NBDY: variants seen among roughly 807,000 people sequenced by gnomAD.
NBDY encodes P-body dissociating protein.
chrX:56,809,039 G>T (rs1275474035), intron 2 of NBDY, among the ~76,000 whole-genome samples: 1 of 112,393 alleles, frequency 8.9e-6, no homozygotes, highest in Admixed American at 9.4e-5. Flanking sequence ...TCAGATGCAG[G>T]CTGTTCAGTT....
intron 2 of NBDY, among the ~76,000 whole-genome samples, chrX:56,741,762 T>C (rs1474909752): frequency 8.9e-6 from 1 of 111,839 alleles, no homozygotes; most frequent in Non-Finnish European, 1.9e-5. Context: ...AAAAGTGTAG[T>C]TTGCAAATAT....
chrX:56,783,451 C>T (rs1008731194), intron 2 of NBDY, among the ~76,000 whole-genome samples: 1 of 112,752 alleles, frequency 8.9e-6, no homozygotes, highest in Admixed American at 9.3e-5. Context: ...TGGCCAGTGG[C>T]TTCCCTTATG....
At chrX:56,784,949 T>C (rs2069718516) in intron 2 of NBDY, among the ~76,000 whole-genome samples, 1 of 112,413 alleles carries the variant, frequency 8.9e-6, no homozygotes, top group Non-Finnish European at 1.9e-5. Flanking sequence ...CACACAGCTC[T>C]TCAAATATTG....
At chrX:56,741,197 C>T (rs1462614359) in intron 2 of NBDY, among the ~76,000 whole-genome samples, 1 of 111,665 alleles carries the variant, frequency 9.0e-6, no homozygotes, top group East Asian at 2.8e-4. Flanking sequence ...CTGATTAGTA[C>T]TCCACTATGT....
chrX:56,761,702 G>A (rs1190382303), intron 2 of NBDY, among the ~76,000 whole-genome samples: 1 of 113,080 alleles, frequency 8.8e-6, no homozygotes, highest in Non-Finnish European at 1.9e-5. Context: ...CGCCTGGAAG[G>A]CAGGGTCCGG....
At chrX:56,759,797 G>C (rs1032350852) in intron 2 of NBDY, among the ~76,000 whole-genome samples, 11 of 111,880 alleles carry the variant, frequency 9.8e-5, no homozygotes, top group South Asian at 7.5e-4. Context: ...CTGAAAGAAA[G>C]GGCAGGCAGG....
intron 2 of NBDY, among the ~76,000 whole-genome samples, chrX:56,801,792 C>T (rs761471328): frequency 2.7e-5 from 3 of 111,030 alleles, no homozygotes; most frequent in South Asian, 3.9e-4. Context: ...GTCTCTCCCA[C>T]GTGCCCATTT....
Position 56,760,661 on chromosome X carries a change from G to A in NBDY, c.*166+28462G>A, listed in dbSNP as rs192561250. ...ATTGCACCATTGCACTCCAGCCTGG[G>A]CAATAAGAGTGAAACTCTGTCTCAA... On this transcript the variant is annotated intron_variant, in intron 2 of 2. Transcript: ENST00000374922. Among the ~76,000 whole-genome samples the A allele has an allele frequency of 2.8e-3, 316 of 111,858 alleles. 3 individuals are homozygous for A. Among genetic ancestry groups the A allele is most frequent in the Non-Finnish European group, 5.3e-3 (284 of 53,148 alleles).
intron 2 of NBDY, among the ~76,000 whole-genome samples, chrX:56,782,308 C>T (rs1970228879): frequency 9.1e-6 from 1 of 110,390 alleles, no homozygotes; most frequent in South Asian, 3.9e-4. Flanking sequence ...TCTTCTCCTC[C>T]TCCTCCTCCT....
At chrX:56,743,880 T>C (rs953236966) in intron 2 of NBDY, among the ~76,000 whole-genome samples, 1 of 111,204 alleles carries the variant, frequency 9.0e-6, no homozygotes, top group Non-Finnish European at 1.9e-5. Context: ...TATTGGTTTC[T>C]TTATTTTAAG....
At chrX:56,782,855 C>A (rs1484846048) in intron 2 of NBDY, among the ~76,000 whole-genome samples, 2 of 111,835 alleles carry the variant, frequency 1.8e-5, no homozygotes, top group Non-Finnish European at 3.8e-5. Flanking sequence ...ACAATACATA[C>A]ACTCACAAGG....
intron 2 of NBDY, among the ~76,000 whole-genome samples, chrX:56,734,104 T>G (rs947588547): frequency 8.9e-6 from 1 of 112,445 alleles, no homozygotes; most frequent in Non-Finnish European, 1.9e-5. Context: ...GATTCTAGAA[T>G]TTAAAAACAG....
chrX:56,739,269 T>C (rs2069518321), intron 2 of NBDY, among the ~76,000 whole-genome samples: 1 of 74,847 alleles, frequency 1.3e-5, no homozygotes, highest in Non-Finnish European at 2.4e-5. Context: ...TATATGTATG[T>C]ATATATATAT....
At chrX:56,761,613 T>C (rs1243451075) in intron 2 of NBDY, among the ~76,000 whole-genome samples, 1 of 113,451 alleles carries the variant, frequency 8.8e-6, no homozygotes, top group Non-Finnish European at 1.9e-5. Context: ...AGTATACTTT[T>C]GGAGTTTTTC....
chrX:56,749,910 C>G (rs1336952135), intron 2 of NBDY, among the ~76,000 whole-genome samples: 4 of 111,483 alleles, frequency 3.6e-5, no homozygotes, highest in Non-Finnish European at 7.5e-5. Flanking sequence ...TTCAGCCTCC[C>G]AAAGTGCTAG....
chrX:56,811,779 G>A (rs1222848951), intron 2 of NBDY, among the ~76,000 whole-genome samples: 1 of 111,469 alleles, frequency 9.0e-6, no homozygotes, highest in Non-Finnish European at 1.9e-5. Flanking sequence ...TTGTCTGGCT[G>A]GACTTCTGAG....
intron 2 of NBDY, among the ~76,000 whole-genome samples, chrX:56,767,267 G>C (rs976476465): frequency 8.8e-6 from 1 of 113,549 alleles, no homozygotes; most frequent in Non-Finnish European, 1.9e-5. Context: ...ACAGCGTTCC[G>C]ACAAGGTCTC....
At chrX:56,806,222 A>G (rs936894749) in intron 2 of NBDY, among the ~76,000 whole-genome samples, 7 of 112,161 alleles carry the variant, frequency 6.2e-5, no homozygotes, top group Non-Finnish European at 1.3e-4. Flanking sequence ...CTTATCATTG[A>G]TGGGCATTTG....
chrX:56,737,496 T>G (rs2069502302), intron 2 of NBDY: 1 of 924,108 alleles, frequency 1.1e-6, no homozygotes, highest in African/African-American at 2.1e-5. Flanking sequence ...CCCAGTTTAT[T>G]GAATCCTGCA....
Sources: allele counts gnomAD v4.1 joint callset (sites outside exome capture counted in the v4.1 genomes callset), GRCh38; gene constraint gnomAD v4.1.1; transcripts MANE v1.5; gene names NCBI Gene and HGNC (gene_info 2026-07-23, HGNC 2026-07-21).